The following TG variants were observed in gnomAD, a reference collection of about 807,000 sequenced individuals.
TG encodes thyroglobulin.
In TG, 270 loss-of-function variants were observed where a neutral mutation model predicts 324.7. That is an observed-to-expected ratio of 0.83 (90% confidence interval 0.75 to 0.92). The LOEUF (loss-of-function observed/expected upper bound fraction) is 0.92, where lower values mean the gene tolerates loss of function less well. Among genes scored for constraint, TG ranks in the 40% least tolerant of loss-of-function variants. The probability of loss-of-function intolerance (pLI) is 0.00; values close to 1 mark genes in which losing one functional copy is unlikely to be tolerated. For synonymous variants in TG, 1,401 were observed against 1,327.0 expected (o/e 1.06, Z -1.21); for missense variants, 3,591 against 3,456.4 (o/e 1.04, Z -0.98).
intron 25 of TG, 43 bp from the exon 26 acceptor site, chr8:132,941,308 A>G: frequency 1.2e-6 from 2 of 1,611,906 alleles, no homozygotes; most frequent in African/African-American, 1.3e-5. Flanking sequence ...CAACTCTGCC[A>G]TGTTTTGAGG....
chr8:133,106,366 G>A (rs1396252932), intron 43 of TG: 1 of 982,804 alleles, frequency 1.0e-6, no homozygotes, highest in Non-Finnish European at 1.2e-6. Context: ...GCCAATGCAA[G>A]GACACCCAGC....
chr8:133,005,260 A>G (rs2130855050), intron 35 of TG, among the ~76,000 whole-genome samples: 1 of 152,250 alleles, frequency 6.6e-6, no homozygotes, highest in African/African-American at 2.4e-5. Context: ...CTGGGCAGGA[A>G]GCAAGCTGCC....
chr8:132,882,112 C>G, intron 6 of TG, 143 bp downstream of exon 6: 1 of 661,210 alleles, frequency 1.5e-6, no homozygotes, highest in Non-Finnish European at 2.6e-6. Context: ...GAGGACACAA[C>G]CTTAGCAAAC....
chr8:133,037,934 A>C (rs935015127), intron 41 of TG: 4 of 153,252 alleles, frequency 2.6e-5, no homozygotes, highest in Non-Finnish European at 5.8e-5. Context: ...AGCAGACCAA[A>C]GGTATCTCCC....
intron 35 of TG, 21 bp downstream of exon 35, chr8:132,983,433 T>C: frequency 2.5e-6 from 4 of 1,609,754 alleles, no homozygotes; most frequent in Non-Finnish European, 3.4e-6. Context: ...TGTCTTTTTA[T>C]CTCTTGGATG....
intron 21 of TG, among the ~76,000 whole-genome samples, chr8:132,920,857 G>A (rs1255726421): frequency 6.6e-6 from 1 of 152,222 alleles, no homozygotes; most frequent in Admixed American, 6.5e-5. Context: ...CTCACTCACA[G>A]GGTGGTAATA....
chr8:133,133,697 G>T, intron 47 of TG, 37 bp downstream of exon 47: 1 of 1,598,778 alleles, frequency 6.3e-7, no homozygotes, highest in Non-Finnish European at 8.5e-7. Flanking sequence ...GGAGCTGGGT[G>T]TTGATCTCAG....
intron 41 of TG, among the ~76,000 whole-genome samples, chr8:133,088,129 T>C (rs141498772): frequency 1.3e-5 from 2 of 152,314 alleles, no homozygotes; most frequent in East Asian, 3.9e-4. Context: ...CGGTTGTACA[T>C]GTGAATCAAA....
chr8:132,989,822 G>A (rs894500816), intron 35 of TG, among the ~76,000 whole-genome samples: 3 of 152,092 alleles, frequency 2.0e-5, no homozygotes, highest in Admixed American at 6.5e-5. Flanking sequence ...CCCTCTAAGC[G>A]AGGAAGCAAT....
chr8:132,895,671 C>T (rs1816986638), intron 11 of TG, among the ~76,000 whole-genome samples: 1 of 152,224 alleles, frequency 6.6e-6, no homozygotes, highest in South Asian at 2.1e-4. Context: ...TCCTCAGAGA[C>T]TGGGAGACTT....
chr8:133,113,388 A>T, intron 43 of TG, 34 bp from the exon 44 acceptor site: 1 of 1,612,512 alleles, frequency 6.2e-7, no homozygotes, highest in Non-Finnish European at 8.5e-7. Context: ...TTCAGAATCC[A>T]ACTGAGGAAT....
chr8:132,950,598 T>C (rs936214162), intron 27 of TG, among the ~76,000 whole-genome samples: 10 of 152,238 alleles, frequency 6.6e-5, no homozygotes, highest in African/African-American at 2.4e-4. Context: ...CATTCCTTTG[T>C]TAGGCAGTGC....
At chr8:132,947,453 C>T (rs1825482046) in intron 26 of TG, among the ~76,000 whole-genome samples, 1 of 152,270 alleles carries the variant, frequency 6.6e-6, no homozygotes, top group East Asian at 1.9e-4. Context: ...TTAACTACTG[C>T]AGTTTAACAG....
chr8:133,108,722 C>T lies in TG; in HGVS notation c.7573-4700C>T, dbSNP rs368273927. ...TAACCTGTATTATCTCTACAGAGGTCGTTCATTCAATGCATATTTACCTAT... is the reference window on the plus strand; with the variant it reads ...TAACCTGTATTATCTCTACAGAGGTTGTTCATTCAATGCATATTTACCTAT... On this transcript the variant is annotated intron_variant, in intron 43 of 47. Transcript: ENST00000220616. 9.8e-5 allele frequency among the ~76,000 whole-genome samples: 15 copies of T among 152,294 alleles called. No individual in the cohort carries two copies. The East Asian group carries it at 2.3e-3, about 24-fold the overall frequency.
At chr8:132,956,665 T>G (rs1826920287) in intron 27 of TG, among the ~76,000 whole-genome samples, 1 of 152,190 alleles carries the variant, frequency 6.6e-6, no homozygotes, top group African/African-American at 2.4e-5. Context: ...ATGAGGCTGC[T>G]CAGCTGTCAT....
At chr8:132,971,505 G>T (rs1388917959) in intron 32 of TG, among the ~76,000 whole-genome samples, 1 of 152,172 alleles carries the variant, frequency 6.6e-6, no homozygotes, top group Non-Finnish European at 1.5e-5. Flanking sequence ...GGTTAGCTTG[G>T]TTGGAGCCTG....
chr8:133,042,660 A>G (rs1356483113), intron 41 of TG, among the ~76,000 whole-genome samples: 3 of 133,020 alleles, frequency 2.3e-5, no homozygotes, highest in Admixed American at 8.3e-5. Flanking sequence ...CTGGTGCACA[A>G]TTCCTCTCAT....
At position 132,878,857 on chromosome 8, in the gene TG, A is replaced by G. The variant is rs533022242; in HGVS notation, c.639-3006A>G. 8.5e-5 allele frequency among the ~76,000 whole-genome samples: 13 copies of G among 152,242 alleles called. 1 individual carries two copies. In the South Asian group the frequency reaches 2.5e-3, roughly 29 times the overall value. On this transcript the variant is annotated intron_variant, in intron 5 of 47. Coordinates refer to ENST00000220616, the MANE Select transcript of TG (RefSeq NM_003235.5). The stretch of plus-strand genomic sequence containing the variant: ...TGGTCAAATCACCATTCGTGGCTTT[A>G]GAATCCCACTCAAACTCACCTCCTT...
At chr8:133,113,193 T>A (rs990587677) in intron 43 of TG, among the ~76,000 whole-genome samples, 2 of 152,120 alleles carry the variant, frequency 1.3e-5, no homozygotes, top group African/African-American at 4.8e-5. Flanking sequence ...GCACTCCCAT[T>A]TTCAGATGGG....
Sources: gnomAD v4.1 joint callset for allele counts (sites outside exome capture counted in the v4.1 genomes callset) on GRCh38, gnomAD v4.1.1 for gene constraint, MANE v1.5 for transcripts, NCBI Gene and HGNC (gene_info 2026-07-23, HGNC 2026-07-21) for gene names.